Variants in EIF5B observed in about 807,000 individuals in gnomAD.
EIF5B encodes the protein eIF-5B.
In EIF5B, 47 loss-of-function variants were observed where a neutral mutation model predicts 147.5. That is an observed-to-expected ratio of 0.32 (90% CI 0.25 to 0.41). EIF5B has a LOEUF of 0.41. Ranked by LOEUF, EIF5B falls within the 10% of genes least tolerant of loss-of-function variation. The pLI, the probability that EIF5B is intolerant of heterozygous loss-of-function variation, is 1.00. For missense variants in EIF5B, 1,064 were observed against 1,413.2 expected, an observed-to-expected ratio of 0.75 and a Z score of 3.96; for synonymous variants, 455 against 456.2, an observed-to-expected ratio of 1.00 and a Z score of 0.03.
Position 99,399,723 on chromosome 2 carries a change from C to G in EIF5B, c.*309C>G. On this transcript the variant is annotated 3_prime_UTR_variant, in exon 24 of 24. Coordinates refer to ENST00000289371, the MANE Select transcript of EIF5B (RefSeq NM_015904.4). The stretch of plus-strand genomic sequence containing the variant: ...CCAAATTTGGATTTTTATTACAGAT[C>G]TAAAGCTCTTTCGATTTTATACTGA... 1 of 288,422 alleles carries G rather than the reference C, an allele frequency of 3.5e-6. No homozygotes were observed. Among genetic ancestry groups the G allele is most frequent in the Non-Finnish European group, 6.8e-6 (1 of 147,242 alleles). 17.9% of individuals were successfully genotyped at this position (288,422 alleles called of 1,614,324 possible).
In EIF5B at chr2:99,390,853, A is replaced by T. The variant is rs182699378; in HGVS notation, c.2748+148A>T. 1.5e-4 allele frequency: 133 copies of T among 888,062 alleles called. No homozygotes were observed. In the African/African-American group the frequency reaches 1.8e-3, roughly 12 times the overall value. 55.0% of individuals were successfully genotyped at this position (888,062 alleles called of 1,614,324 possible). ...TCCCTTTTATTTTAGTTGTCATCAT[A>T]CAGGAAGGCCTGTCTGTCAGAGTAG... On this transcript the variant is annotated intron_variant, in intron 17 of 23. Transcript: ENST00000289371.
Position 99,360,697 on chromosome 2 carries a change from AATAGGAATGT to A in EIF5B, c.246+150_246+159del, listed in dbSNP as rs1323405526. The stretch of plus-strand genomic sequence containing the variant: ...TATGAAATCTGATGTCAAAGGGAAA[AATAGGAATGT>A]AAAGGTATTTTGTGGTATGTTGATT... On this transcript the variant is annotated intron_variant, in intron 3 of 23. Transcript: ENST00000289371. The A allele has an allele frequency of 6.4e-6, 4 of 623,712 alleles. No individual in the cohort carries two copies. In the South Asian group the frequency reaches 9.0e-5, roughly 14 times the overall value. 38.6% of individuals were successfully genotyped at this position (623,712 alleles called of 1,614,324 possible). A position where few individuals can be genotyped will look rare whatever the true frequency, so the allele number is the denominator to read the frequency against.
chr2:99,372,068 C>G (rs1006310571), intron 9 of EIF5B, among the ~76,000 whole-genome samples: 1 of 152,292 alleles, frequency 6.6e-6, no homozygotes, highest in Non-Finnish European at 1.5e-5. Flanking sequence ...ACTATAGTTC[C>G]TGATAAGTAT....
intron 22 of EIF5B, chr2:99,397,999 TAGG>T (rs1297399053): frequency 2.6e-5 from 4 of 152,056 alleles, no homozygotes; most frequent in Admixed American, 1.3e-4. Flanking sequence ...TTGTGGTCAG[TAGG>T]AGCTCAACTG....
At position 99,384,240 on chromosome 2, in the gene EIF5B, A is replaced by G. The variant is rs1294988925; in HGVS notation, c.2271+1319A>G. Among the ~76,000 whole-genome samples, 5 of 151,972 alleles carry G rather than the reference A, an allele frequency of 3.3e-5. No individual in the cohort carries two copies. The South Asian group carries it at 1.0e-3, about 32-fold the overall frequency. On this transcript the variant is annotated intron_variant, in intron 14 of 23. Transcript: ENST00000289371. ...GCCAAATCCATTGTGTGCTTTATAA[A>G]TGGAAATATAAAACCTGGATGATAG...
rs1341246908 is a variant in EIF5B at position 99,384,033 on chromosome 2, T to TA, written c.2271+1117dup. ...GACCAAGGTGAAACCCCGTCTCTACTAAAAATACAAAAAGTTAGCCGGGCG... is the reference window on the plus strand; with the variant it reads ...GACCAAGGTGAAACCCCGTCTCTACTAAAAAATACAAAAAGTTAGCCGGGCG... On this transcript the variant is annotated intron_variant, in intron 14 of 23. Coordinates refer to ENST00000289371, the MANE Select transcript of EIF5B (RefSeq NM_015904.4). 2.0e-5 allele frequency among the ~76,000 whole-genome samples: 3 copies of TA among 151,508 alleles called. 1 individual carries two copies. The highest frequency in any genetic ancestry group is 4.4e-5 in the Non-Finnish European group (3 of 67,908).
chr2:99,382,084 G>A, intron 12 of EIF5B, 75 bp from the exon 13 acceptor site: 2 of 1,302,398 alleles, frequency 1.5e-6, no homozygotes, highest in South Asian at 1.3e-5. Flanking sequence ...GAGTTTTATG[G>A]CAAAAGGATT....
At chr2:99,358,236 T>C (rs1247987707) in intron 1 of EIF5B, among the ~76,000 whole-genome samples, 1 of 152,118 alleles carries the variant, frequency 6.6e-6, no homozygotes, top group Non-Finnish European at 1.5e-5. Context: ...CTGGCTAATT[T>C]TTTTATATTT....
Position 99,401,316 on chromosome 2 carries a change from CAT to C in EIF5B, c.*1905_*1906del, listed in dbSNP as rs1352258459. 1 of 1,613,480 alleles carries C rather than the reference CAT, an allele frequency of 6.2e-7. No homozygotes were observed. The highest frequency in any genetic ancestry group is 8.5e-7 in the Non-Finnish European group (1 of 1,179,726). ...CATTGTCAAGAATAAAGTCAAATGCCATATTCCAAACCGATTCCACCGATTGC... is the reference window on the plus strand; with the variant it reads ...CATTGTCAAGAATAAAGTCAAATGCCATTCCAAACCGATTCCACCGATTGC... On this transcript the variant is annotated 3_prime_UTR_variant, in exon 24 of 24. Transcript: ENST00000289371.
chr2:99,370,723 C>G (rs1332744291), intron 8 of EIF5B, among the ~76,000 whole-genome samples: 1 of 152,182 alleles, frequency 6.6e-6, no homozygotes, highest in Non-Finnish European at 1.5e-5. Flanking sequence ...TACCCGTCAT[C>G]TTACTTTCAT....
chr2:99,338,456 G>A (rs1040249216), intron 1 of EIF5B: 8 of 633,252 alleles, frequency 1.3e-5, no homozygotes, highest in Non-Finnish European at 2.0e-5. Context: ...TAAATACGAG[G>A]CGGAGAGTAA....
intron 12 of EIF5B, among the ~76,000 whole-genome samples, chr2:99,380,985 G>C (rs1674675371): frequency 6.6e-6 from 1 of 152,100 alleles, no homozygotes; most frequent in Non-Finnish European, 1.5e-5. Context: ...AAGTATTGCT[G>C]TTAAGTTTGA....
intron 13 of EIF5B, 136 bp downstream of exon 13, chr2:99,382,362 T>C: frequency 3.0e-6 from 2 of 656,784 alleles, no homozygotes; most frequent in Middle Eastern, 4.1e-4. Context: ...CCTCATTGAT[T>C]TAGTAATGTT....
chr2:99,392,009 CCA>C (rs1331932177), intron 17 of EIF5B, among the ~76,000 whole-genome samples: 3 of 151,592 alleles, frequency 2.0e-5, no homozygotes, highest in Admixed American at 2.0e-4. Flanking sequence ...TAGGCATGAG[CCA>C]CCATGCCTGG....
chr2:99,379,793 C>T (rs1037974199), intron 12 of EIF5B, among the ~76,000 whole-genome samples: 2 of 152,124 alleles, frequency 1.3e-5, no homozygotes, highest in Non-Finnish European at 2.9e-5. Context: ...CTTTTTCTCC[C>T]ATATTTTTCT....
chr2:99,364,350 A>G lies in EIF5B; in HGVS notation c.1217A>G (p.Lys406Arg), dbSNP rs199686500. The G allele has an allele frequency of 1.6e-5, 25 of 1,610,656 alleles. No individual in the cohort carries two copies. Among genetic ancestry groups the G allele is most frequent in the Non-Finnish European group, 2.0e-5 (24 of 1,179,252 alleles). Residue 406 changes from lysine to arginine, a missense_variant, in exon 6 of 24, where the codon AAA becomes AGA. By Grantham distance (26) the Lys-to-Arg change is conservative (BLOSUM62 2). Transcript: ENST00000289371. ...AAAGAACGCTTGAAAAAAGAAGGGA[A>G]ACTTTTAACTAAATCCCAGAGAGAA... is the stretch of plus-strand genomic sequence containing the variant. ...ERKERLKKEGKLLTKSQREAR... is the reference protein window; with the variant it reads ...ERKERLKKEGRLLTKSQREAR...
chr2:99,349,001 T>G (rs11902994), intron 1 of EIF5B, among the ~76,000 whole-genome samples: 57,978 of 152,130 alleles, frequency 0.38, 11,862 homozygotes, highest in East Asian at 0.63. Flanking sequence ...GCTGGAGTTG[T>G]CAGCTGGAGC....
chr2:99,353,005 CTTTTTTTTTTT>C (rs529053292), intron 1 of EIF5B, among the ~76,000 whole-genome samples: 17 of 62,856 alleles, frequency 2.7e-4, no homozygotes, highest in East Asian at 2.4e-3. Context: ...TCTTCTTCTT[CTTTTTTTTTTT>C]TTTTTTTTTT....
chr2:99,346,873 A>G (rs1268450572), intron 1 of EIF5B, among the ~76,000 whole-genome samples: 2 of 151,846 alleles, frequency 1.3e-5, no homozygotes, highest in Non-Finnish European at 2.9e-5. Context: ...CCTGGCCCAT[A>G]TAAGTTGTAT....
Sources: gnomAD v4.1 joint callset for allele counts (sites outside exome capture counted in the v4.1 genomes callset) on GRCh38, gnomAD v4.1.1 for gene constraint, MANE v1.5 for transcripts, NCBI Gene and HGNC (gene_info 2026-07-23, HGNC 2026-07-21) for gene names.